The following GAR1 variants were observed in gnomAD, a reference collection of about 807,000 sequenced individuals.
GAR1 encodes GAR1 ribonucleoprotein.
A neutral mutation model predicts 29.3 loss-of-function variants in GAR1; 11 were observed. The observed-to-expected ratio is 0.38, with a 90% CI of 0.24 to 0.62. The LOEUF is 0.62. GAR1 is among the 20% of genes least tolerant of loss of function. GAR1 has a pLI of 0.62. For missense variants in GAR1, 237 were observed against 268.4 expected (o/e 0.88, Z 0.82); for synonymous variants, 87 against 93.3 (o/e 0.93, Z 0.39).
At chr4:109,823,748 C>G (rs1733578260) in intron 5 of GAR1, among the ~76,000 whole-genome samples, 1 of 151,940 alleles carries the variant, frequency 6.6e-6, no homozygotes, top group South Asian at 2.1e-4. Flanking sequence ...AGCCTGTTGC[C>G]CAGTTGGTAA....
At chr4:109,815,639 T>G, upstream of GAR1, 1 of 167,346 alleles carries the variant, frequency 6.0e-6, no homozygotes, top group Non-Finnish European at 1.3e-5. Context: ...CAGTGTTGCT[T>G]GTTCCGCGGG....
chr4:109,822,623 AGATT>A, intron 5 of GAR1, 135 bp downstream of exon 5: 1 of 830,768 alleles, frequency 1.2e-6, no homozygotes, highest in South Asian at 2.6e-5. Context: ...CAATATTGGC[AGATT>A]GTCCATAATA....
Position 109,824,015 on chromosome 4 carries a change from A to G in GAR1, c.622A>G (p.Arg208Gly), listed in dbSNP as rs544763231. The change falls in exon 6 of 7, where the codon AGA becomes GGA. Residue 208 changes from arginine (R) to glycine (G), a missense_variant. By Grantham distance (125) the Arg-to-Gly change is moderately radical (BLOSUM62 -2). Transcript: ENST00000226796. ...GGGGGGFRGG[R>G]GGGFRGRGH ...TGGAGGTGGGGGCTTCAGAGGAGGA[A>G]GAGGTGGTGGTTTCAGAGGTGAGTA... 2.5e-5 allele frequency: 40 copies of G among 1,606,430 alleles called. 2 individuals are homozygous for G. The South Asian group carries it at 3.8e-4, about 15-fold the overall frequency.
rs376851401 is a variant in GAR1, at chr4:109,823,938, C to T, written c.572-27C>T. On this transcript the variant is annotated intron_variant, in intron 5 of 6. Coordinates refer to ENST00000226796, the MANE Select transcript of GAR1 (RefSeq NM_018983.4). Reference sequence around the variant, plus strand: ...ATTCTATTGTTATTTAAATACTTTGCGTTATTATTTAATAAATGTTTTTTA... The same window carrying T: ...ATTCTATTGTTATTTAAATACTTTGTGTTATTATTTAATAAATGTTTTTTA... The T allele has an allele frequency of 1.6e-4, 227 of 1,425,216 alleles. 1 individual carries two copies. The highest frequency in any genetic ancestry group is 1.1e-3 in the Admixed American group (67 of 59,470). 88.3% of individuals were successfully genotyped at this position (1,425,216 alleles called of 1,614,324 possible).
Position 109,815,820 on chromosome 4 carries a change from A to G in GAR1, c.-13+16A>G. On this transcript the variant is annotated intron_variant, in intron 1 of 6. Coordinates refer to ENST00000226796, the MANE Select transcript of GAR1 (RefSeq NM_018983.4). ...CGTGGCGCCGGTGAGTGGCCGTAGA[A>G]GCCGGAGGATTTGAAAATGCTGGAC... 3.2e-6 allele frequency: 1 copy of G among 309,590 alleles called. No individual in the cohort carries two copies. The allele number at this position is 309,590 out of a possible 1,614,324, so 19.2% of individuals were successfully genotyped here.
chr4:109,822,292 A>T, intron 4 of GAR1, 55 bp from the exon 5 acceptor site: 1 of 1,064,186 alleles, frequency 9.4e-7, no homozygotes, highest in Non-Finnish European at 1.4e-6. Flanking sequence ...CTTCTTAATG[A>T]TTATATTATA....
At chr4:109,822,712 T>C (rs77714367) in intron 5 of GAR1, 5,965 of 402,482 alleles carry the variant, frequency 0.015, 332 homozygotes, top group East Asian at 0.14. Flanking sequence ...ACTTCATTTC[T>C]TTGGGTTATT....
intron 4 of GAR1, 23 bp downstream of exon 4, chr4:109,819,083 G>C (rs1203062726): frequency 2.3e-6 from 3 of 1,312,536 alleles, no homozygotes; most frequent in Non-Finnish European, 2.2e-6. Context: ...TATGATACTT[G>C]GGATCCTTGG....
At chr4:109,819,427 C>G (rs896595362) in intron 4 of GAR1, 30 of 235,134 alleles carry the variant, frequency 1.3e-4, no homozygotes, top group Admixed American at 1.0e-3. Context: ...AGTGATTTCA[C>G]AAGAACTTCA....
At chr4:109,819,115 C>A in intron 4 of GAR1, 55 bp downstream of exon 4, 1 of 896,230 alleles carries the variant, frequency 1.1e-6, no homozygotes, top group Non-Finnish European at 1.9e-6. Context: ...AACGACCTAT[C>A]TTAGGAAAGT....
rs74937724 is a variant in GAR1, at chr4:109,823,296, C to T, written c.572-669C>T. On this transcript the variant is annotated intron_variant, in intron 5 of 6. Transcript: ENST00000226796. ...TACTGGATCAGAAAAAGAGAAGGAA[C>T]GCCTCACTTTTGGCGTTTCTCAATT... 3.8e-3 allele frequency among the ~76,000 whole-genome samples: 573 copies of T among 152,206 alleles called. 10 individuals carry two copies. In the East Asian group the frequency reaches 0.043, roughly 11 times the overall value.
At position 109,816,231 on chromosome 4, in the gene GAR1, G is replaced by C. The variant is rs1351977180; in HGVS notation, c.67G>C (p.Gly23Arg). The C allele has an allele frequency of 6.2e-7, 1 of 1,609,680 alleles. No homozygotes were observed. The change falls in exon 2 of 7, where the codon GGT becomes CGT. Residue 23 changes from glycine to arginine, a missense_variant. Physicochemically the swap from Gly to Arg is moderately radical, Grantham distance 125 (BLOSUM62 -2). Coordinates refer to ENST00000226796, the MANE Select transcript of GAR1 (RefSeq NM_018983.4). ...RGGGGGGFNR[G>R]GSSNHFRGGG... ...TGGTGGAGGTGGCGGCTTCAACCGA[G>C]GTGGCAGCAGCAACCACTTCCGAGG...
chr4:109,822,155 TAAAAAAAAAAAAAAAAAA>T (rs59097048), intron 4 of GAR1, among the ~76,000 whole-genome samples, 174 bp from the exon 5 acceptor site: 1 of 101,640 alleles, frequency 9.8e-6, no homozygotes, highest in Non-Finnish European at 2.0e-5. Flanking sequence ...GAACTTAAGG[TAAAAAAAAAAAAAAAAAA>T]AAAAAAGAAA....
intron 2 of GAR1, 70 bp from the exon 3 acceptor site, chr4:109,817,866 C>T: frequency 1.5e-6 from 2 of 1,316,410 alleles, no homozygotes; most frequent in South Asian, 2.6e-5. Context: ...AAAAAGAAAG[C>T]TTCCAGAAGC....
At chr4:109,815,968 T>C (rs1733337137) in intron 1 of GAR1, 164 bp downstream of exon 1, 1 of 662,098 alleles carries the variant, frequency 1.5e-6, no homozygotes, top group African/African-American at 1.8e-5. Context: ...CGGTCGGCGC[T>C]CACGAGACCA....
rs1464992860 is a variant in GAR1, at chr4:109,816,454, T to C, written c.214+76T>C. On this transcript the variant is annotated intron_variant, in intron 2 of 6. Coordinates refer to ENST00000226796, the MANE Select transcript of GAR1 (RefSeq NM_018983.4). ...GGGTTTGTGTTGTTAGGCAGCAAGT[T>C]TGGGATACACAAGCCTGTGTGGAGA... 6 of 1,371,816 alleles carry C rather than the reference T, an allele frequency of 4.4e-6. No homozygotes were observed. In the Admixed American group the frequency reaches 8.5e-5, roughly 19 times the overall value. The allele number at this position is 1,371,816 out of a possible 1,614,324, so 85.0% of individuals were successfully genotyped here.
chr4:109,821,982 C>T (rs1476256104), intron 4 of GAR1, among the ~76,000 whole-genome samples: 2 of 151,374 alleles, frequency 1.3e-5, no homozygotes, highest in Admixed American at 6.6e-5. Context: ...CATCACATAC[C>T]TGGGCCTGTC....
intron 2 of GAR1, among the ~76,000 whole-genome samples, chr4:109,817,075 A>G (rs138720433): frequency 6.6e-6 from 1 of 152,334 alleles, no homozygotes; most frequent in East Asian, 1.9e-4. Flanking sequence ...CTAACTAAGA[A>G]TGGCTTGGAT....
chr4:109,823,788 T>G (rs1733579840), intron 5 of GAR1, among the ~76,000 whole-genome samples, 177 bp from the exon 6 acceptor site: 2 of 152,178 alleles, frequency 1.3e-5, no homozygotes, highest in South Asian at 4.1e-4. Flanking sequence ...TTTTATCTTC[T>G]AAAATTTTTT....
Sources: allele counts gnomAD v4.1 joint callset (sites outside exome capture counted in the v4.1 genomes callset), GRCh38; gene constraint gnomAD v4.1.1; transcripts MANE v1.5; gene names NCBI Gene and HGNC (gene_info 2026-07-23, HGNC 2026-07-21).